KCNT2: variants seen among roughly 807,000 people sequenced by gnomAD.
KCNT2 encodes the protein potassium sodium-activated channel subfamily T member 2, also known as potassium channel subfamily T member 2.
Under a neutral mutation model 153.8 loss-of-function variants are expected in KCNT2, and 67 were observed. That is an observed-to-expected ratio of 0.44 (90% confidence interval 0.36 to 0.53). KCNT2 has a LOEUF of 0.53. Among genes scored for constraint, KCNT2 ranks in the 20% least tolerant of loss-of-function variants. The pLI, the probability that KCNT2 is intolerant of heterozygous loss-of-function variation, is 0.00. For synonymous variants in KCNT2, 500 were observed against 458.8 expected (o/e 1.09, Z -1.15); for missense variants, 975 against 1,354.8 (o/e 0.72, Z 4.40).
At chr1:196,284,304 A>G (rs1203672037) in intron 23 of KCNT2, among the ~76,000 whole-genome samples, 3 of 113,486 alleles carry the variant, frequency 2.6e-5, no homozygotes, top group African/African-American at 8.9e-5. Flanking sequence ...TTTCTTCCGA[A>G]GTTTCAGAAA....
chr1:196,568,457 G>T (rs1183456691), intron 1 of KCNT2, among the ~76,000 whole-genome samples: 1 of 151,960 alleles, frequency 6.6e-6, no homozygotes, highest in Non-Finnish European at 1.5e-5. Flanking sequence ...TTAGCCGGGT[G>T]TGGTGGCCGG....
At chr1:196,339,766 G>A (rs564286715) in intron 16 of KCNT2, among the ~76,000 whole-genome samples, 10 of 152,142 alleles carry the variant, frequency 6.6e-5, no homozygotes, top group East Asian at 3.9e-4. Flanking sequence ...AGGCCAAACC[G>A]TAAAGAAATT....
intron 25 of KCNT2, among the ~76,000 whole-genome samples, chr1:196,269,507 T>C (rs1277604542): frequency 6.6e-6 from 1 of 152,244 alleles, no homozygotes; most frequent in South Asian, 2.1e-4. Flanking sequence ...GTATTTTCAG[T>C]TGTGGACTAG....
intron 8 of KCNT2, among the ~76,000 whole-genome samples, chr1:196,462,185 G>A (rs996607647): frequency 2.0e-5 from 3 of 151,486 alleles, no homozygotes; most frequent in Non-Finnish European, 4.4e-5. Flanking sequence ...TTCCCTCTCT[G>A]TGGCCTAAAA....
chr1:196,319,648 C>T, intron 19 of KCNT2, 93 bp from the exon 20 acceptor site: 1 of 708,498 alleles, frequency 1.4e-6, no homozygotes, highest in Non-Finnish European at 2.4e-6. Flanking sequence ...GTTTGCATTT[C>T]CAAAACTCAA....
At chr1:196,474,553 G>T (rs1002820236) in intron 5 of KCNT2, among the ~76,000 whole-genome samples, 2 of 152,128 alleles carry the variant, frequency 1.3e-5, no homozygotes, top group Admixed American at 6.6e-5. Context: ...AACCAGTGTG[G>T]TGTTAAACTT....
chr1:196,607,192 T>A (rs1312071648), intron 1 of KCNT2, among the ~76,000 whole-genome samples: 1 of 152,182 alleles, frequency 6.6e-6, no homozygotes, highest in Non-Finnish European at 1.5e-5. Context: ...GGATTTTGGA[T>A]TGGACCAATA....
intron 1 of KCNT2, among the ~76,000 whole-genome samples, chr1:196,517,247 C>T (rs144978336): frequency 8.3e-4 from 127 of 152,262 alleles, no homozygotes; most frequent in African/African-American, 2.6e-3. Context: ...TCCAGTAATA[C>T]CATGCTGCCC....
chr1:196,410,710 T>TAA lies in KCNT2; in HGVS notation c.1186-12041_1186-12040dup, dbSNP rs71154741. Among the ~76,000 whole-genome samples, 987 of 145,354 alleles carry TAA rather than the reference T, an allele frequency of 6.8e-3. 10 individuals carry two copies. Among genetic ancestry groups the TAA allele is most frequent in the South Asian group, 0.02 (95 of 4,646 alleles). ...CGCAATAAAATCTGTGCTCAGTGCT[T>TAA]AAAAAAAAAAAAAAACTTGTCTATT... On this transcript the variant is annotated intron_variant, in intron 12 of 27. Coordinates refer to ENST00000294725, the MANE Select transcript of KCNT2 (RefSeq NM_198503.5).
At chr1:196,503,679 G>A (rs1356351623) in intron 1 of KCNT2, among the ~76,000 whole-genome samples, 1 of 152,112 alleles carries the variant, frequency 6.6e-6, no homozygotes, top group African/African-American at 2.4e-5. Context: ...GAACCAATAG[G>A]TCTCAAAGAG....
intron 4 of KCNT2, among the ~76,000 whole-genome samples, chr1:196,480,926 C>G (rs1038929602): frequency 4.7e-5 from 6 of 126,428 alleles, no homozygotes; most frequent in African/African-American, 1.8e-4. Context: ...TTTTAAAAAG[C>G]AATTTGAATA....
At chr1:196,291,636 C>T (rs766605087) in intron 22 of KCNT2, among the ~76,000 whole-genome samples, 4 of 152,110 alleles carry the variant, frequency 2.6e-5, no homozygotes, top group Non-Finnish European at 5.9e-5. Flanking sequence ...AAGAAAACAA[C>T]ATATGGCTAG....
At chr1:196,298,411 C>G (rs184065279) in intron 22 of KCNT2, among the ~76,000 whole-genome samples, 63 of 152,202 alleles carry the variant, frequency 4.1e-4, no homozygotes, top group Admixed American at 2.6e-3. Flanking sequence ...AACAAAAGCA[C>G]TATGCATATG....
At chr1:196,366,164 ATT>A in intron 14 of KCNT2, among the ~76,000 whole-genome samples, 1 of 145,680 alleles carries the variant, frequency 6.9e-6, no homozygotes, top group Non-Finnish European at 1.5e-5. Context: ...TTTAATTATT[ATT>A]TTTTTTTTTT....
chr1:196,449,281 C>G (rs2148613523), intron 8 of KCNT2, among the ~76,000 whole-genome samples: 1 of 151,690 alleles, frequency 6.6e-6, no homozygotes, highest in East Asian at 2.0e-4. Flanking sequence ...TTAGAACATC[C>G]TAAAATCAAT....
At chr1:196,454,879 T>G (rs553173023) in intron 8 of KCNT2, among the ~76,000 whole-genome samples, 2 of 152,074 alleles carry the variant, frequency 1.3e-5, no homozygotes, top group South Asian at 4.1e-4. Flanking sequence ...AATCAAGGTG[T>G]TGACCAGCCC....
chr1:196,600,397 A>G (rs1664590750), intron 1 of KCNT2, among the ~76,000 whole-genome samples: 1 of 152,232 alleles, frequency 6.6e-6, no homozygotes, highest in Admixed American at 6.5e-5. Context: ...AAGGCATGCA[A>G]AGGAACCACA....
chr1:196,552,921 T>C (rs920866523), intron 1 of KCNT2, among the ~76,000 whole-genome samples: 1 of 150,922 alleles, frequency 6.6e-6, no homozygotes, highest in Non-Finnish European at 1.5e-5. Flanking sequence ...ATACAATGGA[T>C]ATGTGAAAAA....
chr1:196,578,105 T>C (rs755025835), intron 1 of KCNT2, among the ~76,000 whole-genome samples: 15 of 152,164 alleles, frequency 9.9e-5, no homozygotes, highest in Non-Finnish European at 1.5e-4. Context: ...TATAGTACAG[T>C]GCTCAAAGAA....
Sources: allele counts gnomAD v4.1 joint callset (sites outside exome capture counted in the v4.1 genomes callset), GRCh38; gene constraint gnomAD v4.1.1; transcripts MANE v1.5; gene names NCBI Gene and HGNC (gene_info 2026-07-23, HGNC 2026-07-21).